CRHR2: variants seen among roughly 807,000 people sequenced by gnomAD.
CRHR2 encodes the protein corticotropin releasing hormone receptor 2, also known as corticotropin-releasing hormone receptor 2.
CRHR2 carries 53 observed loss-of-function variants against 57.9 expected under a neutral mutation model. The ratio of observed to expected loss-of-function variants is 0.92; its 90% CI spans 0.73 to 1.15. The LOEUF is 1.15. CRHR2 is among the 50% of genes most tolerant of loss of function. CRHR2 has a pLI of 0.00. For missense variants in CRHR2, 532 were observed against 542.6 expected (o/e 0.98, Z 0.19); for synonymous variants, 213 against 220.9 (o/e 0.96, Z 0.32).
In CRHR2 at chr7:30,681,951, G is replaced by C. The variant is rs1784723447; in HGVS notation, c.193C>G (p.Pro65Ala). ...TACTTGACGCCGTTGAAGTACTCGG[G>C]GCACGGCCTCTCCACGAGGGCTCCG... ...AAGALVERPCPEYFNGVKYNT... is the reference protein window; with the variant it reads ...AAGALVERPCAEYFNGVKYNT... The change falls in exon 2 of 12, where the codon CCC (proline) becomes GCC (alanine). Residue 65 changes from proline (P) to alanine (A), a missense_variant. Transcript: ENST00000471646. 6.2e-7 allele frequency: 1 copy of C among 1,612,250 alleles called. No homozygotes were observed. Among genetic ancestry groups the C allele is most frequent in the African/African-American group, 1.3e-5 (1 of 74,874 alleles).
intron 3 of CRHR2, 72 bp downstream of exon 3, chr7:30,667,156 G>A: frequency 2.9e-6 from 4 of 1,397,640 alleles, no homozygotes; most frequent in Non-Finnish European, 4.1e-6. Flanking sequence ...CCCCCCTTGG[G>A]ATCTTCTCTG....
In CRHR2 at chr7:30,682,260, G is replaced by A; in HGVS notation, c.21C>T (p.His7=). Residue 7 remains histidine (H), a synonymous_variant, in exon 1 of 12, where the codon CAC becomes CAT. Coordinates refer to ENST00000471646, the MANE Select transcript of CRHR2 (RefSeq NM_001883.5). The stretch of plus-strand genomic sequence containing the variant: ...GGCTGCAGTTGGCCTCCAGCAGGCT[G>A]TGGAGCAGTGCCGCGTCCATCGCGT... The part of the protein sequence containing the change: MDAALL[H]SLLEANCSLA... 2 of 1,584,522 alleles carry A rather than the reference G, an allele frequency of 1.3e-6. No individual in the cohort carries two copies. The highest frequency in any genetic ancestry group is 1.7e-5 in the Admixed American group (1 of 58,704).
rs1784131584 is a variant in CRHR2 at position 30,665,051 on chromosome 7, A to G, written c.543+19T>C. The G allele has an allele frequency of 6.2e-7, 1 of 1,605,258 alleles. No individual in the cohort carries two copies. The highest frequency in any genetic ancestry group is 8.5e-7 in the Non-Finnish European group (1 of 1,172,172). On this transcript the variant is annotated intron_variant, in intron 5 of 11. Transcript: ENST00000471646. This position sits in a 1 kb window ranked among gnomAD's most constrained non-coding sequence, Gnocchi z 4.5. ...CCAGAGCCCCCCAGGTATAGCCCCG[A>G]GTCTCCCCGAGCAATGACCTCATTG...
rs1440424177 is a variant in CRHR2, at chr7:30,660,587, T to C, written c.817A>G (p.Ile273Val). The change falls in exon 8 of 12, where the codon ATT (isoleucine) becomes GTT (valine). Residue 273 changes from isoleucine to valine, a missense_variant. Coordinates refer to ENST00000471646, the MANE Select transcript of CRHR2 (RefSeq NM_001883.5). ...TGAGGGCTTACCAGGAGCACGAGAA[T>C]GATGGGGCCTTGGTAGATGTAGTCC... is the stretch of plus-strand genomic sequence containing the variant. The part of the protein sequence containing the change: ...LVDYIYQGPI[I>V]LVLLINFVFL... 1.3e-6 allele frequency: 2 copies of C among 1,567,184 alleles called. No individual in the cohort carries two copies. Among genetic ancestry groups the C allele is most frequent in the East Asian group, 4.7e-5 (2 of 42,476 alleles).
upstream of CRHR2, chr7:30,682,519 G>A: frequency 7.9e-7 from 1 of 1,262,188 alleles, no homozygotes. Flanking sequence ...GCTCCGCCGC[G>A]GCCAATGGCT....
chr7:30,659,171 A>G (rs963451403), intron 8 of CRHR2, among the ~76,000 whole-genome samples: 13 of 152,218 alleles, frequency 8.5e-5, no homozygotes, highest in African/African-American at 2.7e-4. Flanking sequence ...TGTTGGTGCA[A>G]AGAGCTGGGC....
upstream of CRHR2, among the ~76,000 whole-genome samples, chr7:30,685,373 T>G (rs1784834883): frequency 6.6e-6 from 1 of 152,212 alleles, no homozygotes; most frequent in African/African-American, 2.4e-5. Context: ...AAAACAGGAT[T>G]TAAAGGGACA....
intron 1 of CRHR2, among the ~76,000 whole-genome samples, chr7:30,690,324 A>C (rs940614526): frequency 5.9e-5 from 9 of 152,204 alleles, no homozygotes; most frequent in African/African-American, 2.2e-4. Flanking sequence ...AGGCTGGAAA[A>C]TGCATGGTGT....
At chr7:30,691,167 C>G (rs1209867180) in intron 1 of CRHR2, among the ~76,000 whole-genome samples, 1 of 152,204 alleles carries the variant, frequency 6.6e-6, no homozygotes, top group Non-Finnish European at 1.5e-5. Context: ...TTGGCTGGGT[C>G]TGGGGACAGT....
chr7:30,685,467 G>A (rs114106959), upstream of CRHR2, among the ~76,000 whole-genome samples: 1 of 152,188 alleles, frequency 6.6e-6, no homozygotes, highest in Non-Finnish European at 1.5e-5. Context: ...TGGAATAGTC[G>A]TGGTGTTTCC....
In CRHR2 at chr7:30,674,211, ATGAAAAAGGGAAGGGGGAG is replaced by A. The variant is rs1784446789; in HGVS notation, c.230-6917_230-6899del. The stretch of plus-strand genomic sequence containing the variant: ...GTTTAATGGAGACCATACTGGGTCT[ATGAAAAAGGGAAGGGGGAG>A]TGGAACCCAGCTCACTGTGTAAGCT... On this transcript the variant is annotated intron_variant, in intron 2 of 11. Transcript: ENST00000471646. Among the ~76,000 whole-genome samples, 3 of 152,194 alleles carry A rather than the reference ATGAAAAAGGGAAGGGGGAG, an allele frequency of 2.0e-5. No homozygotes were observed. The South Asian group carries it at 6.2e-4, about 31-fold the overall frequency.
intron 2 of CRHR2, among the ~76,000 whole-genome samples, chr7:30,679,888 T>C (rs1784643013): frequency 6.6e-6 from 1 of 152,100 alleles, no homozygotes; most frequent in Admixed American, 6.5e-5. Flanking sequence ...TAGGCTGACC[T>C]CACACCCCAG....
intron 1 of CRHR2, among the ~76,000 whole-genome samples, chr7:30,690,441 T>C (rs1342654449): frequency 6.6e-6 from 1 of 151,794 alleles, no homozygotes; most frequent in Non-Finnish European, 1.5e-5. Flanking sequence ...TGTGAGTACA[T>C]GCACACACGT....
chr7:30,686,257 T>G (rs1282086615), upstream of CRHR2: 1 of 1,287,980 alleles, frequency 7.8e-7, no homozygotes, highest in Non-Finnish European at 1.0e-6. Context: ...AGGTTGCTTT[T>G]TATTCATTGT....
chr7:30,691,368 G>A (rs942764395), intron 1 of CRHR2, among the ~76,000 whole-genome samples: 8 of 152,248 alleles, frequency 5.3e-5, no homozygotes, highest in African/African-American at 1.9e-4. Flanking sequence ...CATCTCAGAT[G>A]TTAGTGCCTT....
chr7:30,686,399 G>C, upstream of CRHR2: 1 of 1,533,044 alleles, frequency 6.5e-7, no homozygotes, highest in African/African-American at 1.4e-5. Context: ...CTTGGCAGAA[G>C]AGCTGAGGAA....
intron 2 of CRHR2, among the ~76,000 whole-genome samples, chr7:30,680,151 C>G (rs921544095): frequency 1.3e-5 from 2 of 152,180 alleles, no homozygotes; most frequent in African/African-American, 4.8e-5. Context: ...CACCCCGCCC[C>G]CACACCCCAA....
chr7:30,654,922 C>A, intron 11 of CRHR2, 117 bp downstream of exon 11: 1 of 1,554,470 alleles, frequency 6.4e-7, no homozygotes, highest in Non-Finnish European at 8.7e-7. Flanking sequence ...CGGGTGGTAT[C>A]TCAAGGCTTC....
chr7:30,681,764 C>G, intron 2 of CRHR2, 151 bp downstream of exon 2: 1 of 1,205,920 alleles, frequency 8.3e-7, no homozygotes, highest in East Asian at 2.9e-5. Context: ...AGGCGCGCCC[C>G]CAACACTGTA....
Sources: gnomAD v4.1 joint callset for allele counts (sites outside exome capture counted in the v4.1 genomes callset) on GRCh38, gnomAD v4.1.1 for gene constraint, Gnocchi (gnomAD v3.1) non-coding constraint, MANE v1.5 for transcripts, NCBI Gene and HGNC (gene_info 2026-07-23, HGNC 2026-07-21) for gene names.